Variants in BLK observed in about 807,000 individuals in gnomAD.
BLK encodes the protein tyrosine-protein kinase Blk.
BLK carries 64 observed loss-of-function variants against 61.8 expected under a neutral mutation model. That is an observed-to-expected ratio of 1.03 (90% CI 0.85 to 1.27). The LOEUF (loss-of-function observed/expected upper bound fraction) is 1.27, where lower values mean the gene tolerates loss of function less well. Among genes scored for constraint, BLK ranks in the 50% most tolerant of loss-of-function variants. BLK has a pLI of 0.00. For synonymous variants in BLK, 351 were observed against 272.0 expected, an observed-to-expected ratio of 1.29 and a Z score of -2.86; for missense variants, 853 against 660.5, an observed-to-expected ratio of 1.29 and a Z score of -3.19.
At position 11,548,026 on chromosome 8, in the gene BLK, T is replaced by A; in HGVS notation, c.176-6T>A. On this transcript the variant is annotated splice_region_variant and splice_polypyrimidine_tract_variant and intron_variant, in intron 3 of 12. Transcript: ENST00000259089. Reference sequence around the variant, plus strand: ...GTGGTGGTCATCTCTCCCTTGTTCATTTTAGACAAGCATTTCGTGGTGGCT... The same window carrying A: ...GTGGTGGTCATCTCTCCCTTGTTCAATTTAGACAAGCATTTCGTGGTGGCT... 6.2e-7 allele frequency: 1 copy of A among 1,613,640 alleles called. No homozygotes were observed. The highest frequency in any genetic ancestry group is 8.5e-7 in the Non-Finnish European group (1 of 1,179,578).
intron 1 of BLK, among the ~76,000 whole-genome samples, chr8:11,510,682 C>G (rs1472121074): frequency 1.3e-5 from 2 of 151,982 alleles, no homozygotes; most frequent in Non-Finnish European, 2.9e-5. Context: ...AAGATCTTTG[C>G]CTACATACAG....
At chr8:11,517,727 C>T (rs966221418) in intron 1 of BLK, among the ~76,000 whole-genome samples, 2 of 152,308 alleles carry the variant, frequency 1.3e-5, no homozygotes, top group South Asian at 4.1e-4. Flanking sequence ...CCCAGCCAAG[C>T]CAGAGGCTTA....
chr8:11,545,036 C>T (rs562490078), intron 2 of BLK, among the ~76,000 whole-genome samples: 2 of 152,174 alleles, frequency 1.3e-5, no homozygotes, highest in Non-Finnish European at 2.9e-5. Context: ...ATATGTATTA[C>T]CCCTAAACGA....
chr8:11,545,880 G>C, intron 2 of BLK, 172 bp from the exon 3 acceptor site: 1 of 760,742 alleles, frequency 1.3e-6, no homozygotes, highest in Non-Finnish European at 2.4e-6. Context: ...TCTGAGGGTA[G>C]TGCTGGTCCC....
chr8:11,534,634 A>G (rs1339423548), intron 1 of BLK, among the ~76,000 whole-genome samples: 3 of 152,178 alleles, frequency 2.0e-5, no homozygotes, highest in Admixed American at 2.0e-4. Flanking sequence ...TTTTACCACA[A>G]TGGGGGGAGG....
chr8:11,510,651 G>A (rs1486477777), intron 1 of BLK, among the ~76,000 whole-genome samples: 1 of 152,060 alleles, frequency 6.6e-6, no homozygotes, highest in African/African-American at 2.4e-5. Flanking sequence ...GGGAATCCGA[G>A]ATTGAAATGA....
At chr8:11,517,895 A>G (rs905756816) in intron 1 of BLK, among the ~76,000 whole-genome samples, 1 of 152,208 alleles carries the variant, frequency 6.6e-6, no homozygotes, top group African/African-American at 2.4e-5. Context: ...TTGGAAAGCC[A>G]GAGAAATGCA....
intron 1 of BLK, among the ~76,000 whole-genome samples, chr8:11,520,031 CA>C (rs930372606): frequency 5.3e-5 from 8 of 152,080 alleles, no homozygotes; most frequent in African/African-American, 1.9e-4. Flanking sequence ...TGAATTTTAT[CA>C]AAAGATTAGT....
chr8:11,535,854 G>A (rs1420822550), intron 1 of BLK, among the ~76,000 whole-genome samples: 4 of 152,194 alleles, frequency 2.6e-5, no homozygotes, highest in Non-Finnish European at 5.9e-5. Context: ...TAAGAAGGAC[G>A]AGAGGGAAGA....
chr8:11,505,801 C>T (rs1486848974), intron 1 of BLK, among the ~76,000 whole-genome samples: 1 of 152,192 alleles, frequency 6.6e-6, no homozygotes, highest in Non-Finnish European at 1.5e-5. Flanking sequence ...CTTTCTTCTC[C>T]AAGCACGCTG....
intron 1 of BLK, among the ~76,000 whole-genome samples, chr8:11,534,838 T>C (rs933866049): frequency 6.6e-6 from 1 of 152,198 alleles, no homozygotes; most frequent in Non-Finnish European, 1.5e-5. Flanking sequence ...TCAGGCTCTG[T>C]GCTAGTGCTG....
chr8:11,518,968 C>A (rs1799332982), intron 1 of BLK, among the ~76,000 whole-genome samples: 1 of 152,160 alleles, frequency 6.6e-6, no homozygotes, highest in Non-Finnish European at 1.5e-5. Flanking sequence ...TATCTAAATA[C>A]CCCTGGGCCT....
rs147101021 is a variant in BLK at position 11,533,464 on chromosome 8, G to A, written c.-1-9760G>A. ...GGGCCTTTTAAGAGAGGTTCAAGTC[G>A]TGACCAGATGTGTATCTGGGTAAGA... On this transcript the variant is annotated intron_variant, in intron 1 of 12. Coordinates refer to ENST00000259089, the MANE Select transcript of BLK (RefSeq NM_001715.3). Among the ~76,000 whole-genome samples the A allele has an allele frequency of 3.3e-4, 50 of 152,232 alleles. No homozygotes were observed. The East Asian group carries it at 5.0e-3, about 15-fold the overall frequency.
At chr8:11,547,892 TG>T (rs1800716117) in intron 3 of BLK, 139 bp from the exon 4 acceptor site, 1 of 759,240 alleles carries the variant, frequency 1.3e-6, no homozygotes. Flanking sequence ...GGGCTGGGGG[TG>T]GGGGCCTGTG....
At chr8:11,502,470 AT>A (rs1179443836) in intron 1 of BLK, among the ~76,000 whole-genome samples, 1 of 151,904 alleles carries the variant, frequency 6.6e-6, no homozygotes, top group African/African-American at 2.4e-5. Flanking sequence ...TGCCTGGCTA[AT>A]TTTTGTATTT....
In BLK at chr8:11,556,845, C is replaced by G; in HGVS notation, c.952+8C>G. The G allele has an allele frequency of 6.2e-7, 1 of 1,613,560 alleles. No homozygotes were observed. The highest frequency in any genetic ancestry group is 8.5e-7 in the Non-Finnish European group (1 of 1,179,706). ...CCGAGTACATGGCCAGAGGTGGTGC[C>G]CCCCGCAGAGCCGCATCCTCAGAGC... On this transcript the variant is annotated splice_region_variant and intron_variant, in intron 9 of 12. Transcript: ENST00000259089.
intron 1 of BLK, among the ~76,000 whole-genome samples, chr8:11,508,115 A>C (rs1393959461): frequency 6.6e-6 from 1 of 152,228 alleles, no homozygotes; most frequent in Non-Finnish European, 1.5e-5. Flanking sequence ...GCTGGGAAGG[A>C]CTAGAGCCAA....
chr8:11,535,267 A>G (rs1159904438), intron 1 of BLK, among the ~76,000 whole-genome samples: 1 of 111,300 alleles, frequency 9.0e-6, no homozygotes, highest in African/African-American at 3.3e-5. Context: ...GAAAGAAGAA[A>G]GAAAGAAAGA....
intron 1 of BLK, among the ~76,000 whole-genome samples, chr8:11,498,363 G>C (rs1174850287): frequency 1.1e-4 from 17 of 152,160 alleles, no homozygotes; most frequent in Non-Finnish European, 1.5e-5. Context: ...TGAGTTTCCT[G>C]GTGCTCTGAG....
Sources: gnomAD v4.1 joint callset for allele counts (sites outside exome capture counted in the v4.1 genomes callset) on GRCh38, gnomAD v4.1.1 for gene constraint, MANE v1.5 for transcripts, NCBI Gene and HGNC (gene_info 2026-07-23, HGNC 2026-07-21) for gene names.